ADAM20: variants seen among roughly 807,000 people sequenced by gnomAD.
ADAM20 encodes disintegrin and metalloproteinase domain-containing protein 20.
For synonymous variants in ADAM20, 305 were observed against 310.2 expected, an observed-to-expected ratio of 0.98 and a Z score of 0.18; for missense variants, 871 against 883.2, an observed-to-expected ratio of 0.99 and a Z score of 0.18.
At position 70,522,548 on chromosome 14, in the gene ADAM20, G is replaced by A. The variant is rs1412046303; in HGVS notation, c.*29C>T. Reference sequence around the variant, plus strand: ...TTGGATATTAAAAATGAAGTATAAAGTTTAGTCTCCTTCTTTTTCCCATTT... The same window carrying A: ...TTGGATATTAAAAATGAAGTATAAAATTTAGTCTCCTTCTTTTTCCCATTT... On this transcript the variant is annotated 3_prime_UTR_variant, in exon 2 of 2. Transcript: ENST00000256389. The A allele has an allele frequency of 2.6e-6, 4 of 1,510,910 alleles. No individual in the cohort carries two copies. Among genetic ancestry groups the A allele is most frequent in the Non-Finnish European group, 3.5e-6 (4 of 1,131,572 alleles). 93.6% of individuals were successfully genotyped at this position (1,510,910 alleles called of 1,614,324 possible).
chr14:70,556,672 G>T, the ADAM20 span: 5 of 152,340 alleles, frequency 3.3e-5, no homozygotes, highest in African/African-American at 9.6e-5. Flanking sequence ...ACTCATGTGC[G>T]ATTTTTTCAA....
rs748877646 is a variant in ADAM20 at position 70,523,823 on chromosome 14, T to A, written c.935A>T (p.Tyr312Phe). The A allele has an allele frequency of 2.5e-6, 4 of 1,614,068 alleles. No homozygotes were observed. The South Asian group carries it at 4.4e-5, about 18-fold the overall frequency. ...AGGATTCTGGCATATTCCTTTAACA[T>A]AGGCAACACCAAGCTTCATGCCTTG... ...DTQGMKLGVA[Y>F]VKGICQNPFN... The change falls in exon 2 of 2, where the codon TAT (tyrosine) becomes TTT (phenylalanine). Residue 312 changes from tyrosine (Y) to phenylalanine (F), a missense_variant. By Grantham distance (22) the Tyr-to-Phe change is conservative. Transcript: ENST00000256389.
the ADAM20 span, among the ~76,000 whole-genome samples, chr14:70,543,391 A>C: frequency 6.6e-6 from 1 of 152,238 alleles, no homozygotes; most frequent in Non-Finnish European, 1.5e-5. Context: ...TTATCCTCAT[A>C]GCAGGAATAA....
the ADAM20 span, chr14:70,557,575 A>G: frequency 1.3e-5 from 2 of 152,256 alleles, no homozygotes; most frequent in African/African-American, 4.8e-5. Flanking sequence ...AGGAAATAGA[A>G]GTATTACAAA....
chr14:70,560,428 A>C, the ADAM20 span, among the ~76,000 whole-genome samples: 31 of 152,316 alleles, frequency 2.0e-4, no homozygotes, highest in Admixed American at 1.1e-3. Context: ...AGCAAATGTA[A>C]TGGGGGTAGG....
chr14:70,563,175 C>T, the ADAM20 span, among the ~76,000 whole-genome samples: 1 of 152,214 alleles, frequency 6.6e-6, no homozygotes, highest in African/African-American at 2.4e-5. Context: ...CCCATTTGGC[C>T]AGGTCTAAGT....
the ADAM20 span, among the ~76,000 whole-genome samples, chr14:70,541,978 G>A: frequency 6.6e-6 from 1 of 151,886 alleles, no homozygotes; most frequent in South Asian, 2.1e-4. Context: ...GCTCTAACAG[G>A]TGCCCTTGAA....
the ADAM20 span, among the ~76,000 whole-genome samples, chr14:70,540,647 T>A: frequency 6.6e-6 from 1 of 152,220 alleles, no homozygotes; most frequent in African/African-American, 2.4e-5. Flanking sequence ...ATTGGTTTAA[T>A]AAAGATAGCT....
chr14:70,569,135 G>GA, the ADAM20 span, among the ~76,000 whole-genome samples: 155 of 150,666 alleles, frequency 1.0e-3, no homozygotes, highest in Admixed American at 3.0e-3. Context: ...CCTTCTTAAA[G>GA]AAAAAAAAAT....
chr14:70,543,848 C>T, the ADAM20 span, among the ~76,000 whole-genome samples: 22 of 152,170 alleles, frequency 1.4e-4, no homozygotes, highest in Non-Finnish European at 2.4e-4. Flanking sequence ...TATAACTATA[C>T]GGTCTAGATT....
the ADAM20 span, among the ~76,000 whole-genome samples, chr14:70,562,557 T>C: frequency 6.6e-6 from 1 of 152,134 alleles, no homozygotes; most frequent in Non-Finnish European, 1.5e-5. Context: ...TGTGTCCCCA[T>C]CCAAATCTCA....
rs758362163 is a variant in ADAM20 at position 70,523,403 on chromosome 14, C to T, written c.1355G>A (p.Cys452Tyr). The T allele has an allele frequency of 2.5e-6, 4 of 1,614,024 alleles. No individual in the cohort carries two copies. The South Asian group carries it at 3.3e-5, about 13-fold the overall frequency. Residue 452 changes from cysteine to tyrosine, a missense_variant, in exon 2 of 2, where the codon TGT (cysteine) becomes TAT (tyrosine). By Grantham distance (194) the Cys-to-Tyr change is radical. Transcript: ENST00000256389. ...HPGAACAFGI[C>Y]CKDCKFLPSG... is the part of the protein sequence containing the mutation. ...TGGCAGAAATTTGCAGTCTTTGCAACATATTCCAAAAGCACAAGCAGCCCC... is the reference window on the plus strand; with the variant it reads ...TGGCAGAAATTTGCAGTCTTTGCAATATATTCCAAAAGCACAAGCAGCCCC...
chr14:70,523,652 T>A lies in ADAM20; in HGVS notation c.1106A>T (p.Tyr369Phe), dbSNP rs761739177. The change falls in exon 2 of 2, where the codon TAT becomes TTT. Residue 369 changes from tyrosine to phenylalanine, a missense_variant. Physicochemically the swap from Tyr to Phe is conservative, Grantham distance 22. Coordinates refer to ENST00000256389, the MANE Select transcript of ADAM20 (RefSeq NM_003814.5). The stretch of plus-strand genomic sequence containing the variant: ...GCTAAATTTAGTTGTCACCTTTCTA[T>A]AGGCATGCATTATGCACCACTGTAG... ...CELQWCIMHA[Y>F]RKVTTKFSNC... The A allele has an allele frequency of 6.2e-7, 1 of 1,614,074 alleles. No homozygotes were observed. Among genetic ancestry groups the A allele is most frequent in the Admixed American group, 1.7e-5 (1 of 59,990 alleles).
the ADAM20 span, among the ~76,000 whole-genome samples, chr14:70,558,040 T>C: frequency 2.6e-5 from 4 of 152,244 alleles, no homozygotes; most frequent in Non-Finnish European, 5.9e-5. Flanking sequence ...GTTCCACTAT[T>C]TTTATCATAT....
At position 70,522,903 on chromosome 14, in the gene ADAM20, T is replaced by A. The variant is rs1280261730; in HGVS notation, c.1855A>T (p.Ile619Phe). The A allele has an allele frequency of 1.9e-6, 3 of 1,613,954 alleles. No individual in the cohort carries two copies. Among genetic ancestry groups the A allele is most frequent in the South Asian group, 1.1e-5 (1 of 91,084 alleles). Residue 619 changes from isoleucine to phenylalanine, a missense_variant, in exon 2 of 2, where the codon ATC becomes TTC. Transcript: ENST00000256389. ...KDGTVCGPEK[I>F]CIRKKCASMV... is the part of the protein sequence containing the mutation. Reference sequence around the variant, plus strand: ...CTGGCACACTTCTTACGGATGCAGATCTTTTCTGGACCACATACTGTGCCA... The same window carrying A: ...CTGGCACACTTCTTACGGATGCAGAACTTTTCTGGACCACATACTGTGCCA...
chr14:70,526,522 T>C (rs79238453), intron 1 of ADAM20, among the ~76,000 whole-genome samples: 2 of 152,272 alleles, frequency 1.3e-5, no homozygotes, highest in Non-Finnish European at 2.9e-5. Flanking sequence ...AAGATGGAAA[T>C]GGGTGAATTG....
At chr14:70,549,106 A>T in the ADAM20 span, among the ~76,000 whole-genome samples, 1 of 32,168 alleles carries the variant, frequency 3.1e-5, no homozygotes, top group Non-Finnish European at 5.4e-5. Context: ...GCAAATGCTG[A>T]GAGATTTTGT....
the ADAM20 span, among the ~76,000 whole-genome samples, chr14:70,564,177 G>A: frequency 6.6e-6 from 1 of 152,234 alleles, no homozygotes; most frequent in African/African-American, 2.4e-5. Context: ...AAACAGAGGG[G>A]GCAGGTAACT....
the ADAM20 span, among the ~76,000 whole-genome samples, chr14:70,553,416 C>A: frequency 7.2e-6 from 1 of 138,352 alleles, no homozygotes; most frequent in Non-Finnish European, 1.5e-5. Context: ...AGGGATACTT[C>A]TAAACTCATT....
Sources: gnomAD v4.1 joint callset for allele counts (sites outside exome capture counted in the v4.1 genomes callset) on GRCh38, gnomAD v4.1.1 for gene constraint, MANE v1.5 for transcripts, NCBI Gene and HGNC (gene_info 2026-07-23, HGNC 2026-07-21) for gene names.